Variants in HELZ observed in about 807,000 individuals in gnomAD.
The protein encoded by HELZ is helicase with zinc finger.
A neutral mutation model predicts 218.2 loss-of-function variants in HELZ; 23 were observed. The ratio of observed to expected loss-of-function variants is 0.11; its 90% confidence interval spans 0.08 to 0.15. The LOEUF (loss-of-function observed/expected upper bound fraction) is 0.15, where lower values mean the gene tolerates loss of function less well. Ranked by LOEUF, HELZ falls within the 10% of genes least tolerant of loss-of-function variation. HELZ has a pLI of 1.00. For missense variants in HELZ, 1,813 were observed against 2,353.7 expected (o/e 0.77, Z 4.75); for synonymous variants, 814 against 829.4 (o/e 0.98, Z 0.32).
chr17:67,204,776 C>G (rs550617805), intron 5 of HELZ, among the ~76,000 whole-genome samples: 16 of 152,134 alleles, frequency 1.1e-4, no homozygotes, highest in South Asian at 8.3e-4. Flanking sequence ...TCAACAGTCA[C>G]TAGATAATTC....
intron 13 of HELZ, among the ~76,000 whole-genome samples, chr17:67,178,099 G>C (rs1202732569): frequency 6.6e-6 from 1 of 152,048 alleles, no homozygotes; most frequent in Non-Finnish European, 1.5e-5. Context: ...TTTCTTTTCT[G>C]AGATTATTTT....
intron 9 of HELZ, among the ~76,000 whole-genome samples, chr17:67,192,122 A>G (rs1402961502): frequency 6.6e-6 from 1 of 152,090 alleles, no homozygotes; most frequent in Non-Finnish European, 1.5e-5. Context: ...GAATCGCTTG[A>G]ACCCGGGAGG....
chr17:67,222,836 C>T (rs767618958), intron 3 of HELZ, among the ~76,000 whole-genome samples: 7 of 152,254 alleles, frequency 4.6e-5, no homozygotes, highest in East Asian at 3.9e-4. Context: ...ATGAGGCCAG[C>T]TCCCAGATAC....
intron 12 of HELZ, among the ~76,000 whole-genome samples, chr17:67,180,778 T>C (rs539855850): frequency 5.1e-4 from 76 of 148,062 alleles, no homozygotes; most frequent in African/African-American, 1.8e-3. Flanking sequence ...CTCGGGAGGC[T>C]GAGGCCGGAG....
At chr17:67,167,180 A>G (rs1176620391) in intron 14 of HELZ, among the ~76,000 whole-genome samples, 1 of 152,252 alleles carries the variant, frequency 6.6e-6, no homozygotes, top group African/African-American at 2.4e-5. Flanking sequence ...CCCAGGAGGT[A>G]GCTTACATAG....
rs1350089500 is a variant in HELZ at position 67,190,366 on chromosome 17, T to C, written c.558-11A>G. 1.9e-6 allele frequency: 3 copies of C among 1,585,402 alleles called. No homozygotes were observed. The East Asian group carries it at 6.7e-5, about 35-fold the overall frequency. On this transcript the variant is annotated splice_polypyrimidine_tract_variant and intron_variant, in intron 9 of 32. Coordinates refer to ENST00000358691, the MANE Select transcript of HELZ (RefSeq NM_014877.4). Reference sequence around the variant, plus strand: ...CCTTGTTCTAAAAATCTAAGTAGAATAGGAAAGACTGTTTTATCATATACT... The same window carrying C: ...CCTTGTTCTAAAAATCTAAGTAGAACAGGAAAGACTGTTTTATCATATACT...
chr17:67,086,631 A>AATATAAATATAAATATAT (rs914625902), intron 32 of HELZ, among the ~76,000 whole-genome samples, 198 bp downstream of exon 32: 2 of 93,318 alleles, frequency 2.1e-5, no homozygotes, highest in African/African-American at 9.6e-5. Flanking sequence ...TATAAATATA[A>AATATAAATATAAATATAT]ATATATATAT....
intron 31 of HELZ, among the ~76,000 whole-genome samples, chr17:67,106,302 AC>A (rs778318498): frequency 1.8e-4 from 24 of 132,280 alleles, no homozygotes; most frequent in Non-Finnish European, 3.5e-4. Context: ...TAAGTATTTT[AC>A]TTTATTTATT....
chr17:67,134,921 C>T (rs1429398113), intron 23 of HELZ, among the ~76,000 whole-genome samples: 1 of 151,850 alleles, frequency 6.6e-6, no homozygotes, highest in Non-Finnish European at 1.5e-5. Flanking sequence ...TTTAAGTAAT[C>T]CCTAGTGTAT....
At chr17:67,187,285 G>C (rs756906759) in intron 12 of HELZ, among the ~76,000 whole-genome samples, 1 of 152,162 alleles carries the variant, frequency 6.6e-6, no homozygotes, top group Non-Finnish European at 1.5e-5. Context: ...ATCAAAGTCA[G>C]TGGGAAATAA....
chr17:67,092,449 T>A (rs754787217), intron 31 of HELZ, among the ~76,000 whole-genome samples: 27 of 152,052 alleles, frequency 1.8e-4, no homozygotes, highest in Non-Finnish European at 2.6e-4. Flanking sequence ...TGAAAGTCTA[T>A]ACAGGAAACA....
rs1598438294 is a variant in HELZ, at chr17:67,215,991, A to G, written c.211-56T>C. On this transcript the variant is annotated intron_variant, in intron 4 of 32. Coordinates refer to ENST00000358691, the MANE Select transcript of HELZ (RefSeq NM_014877.4). ...GTATTTCAAGAGCTGCTTTTAACAG[A>G]GATGTTGTCAAAGGGAAACTTGGCT... is the stretch of plus-strand genomic sequence containing the variant. 5.0e-6 allele frequency: 5 copies of G among 995,950 alleles called. No individual in the cohort carries two copies. In the East Asian group the frequency reaches 1.2e-4, roughly 25 times the overall value. The allele number at this position is 995,950 out of a possible 1,614,324, so 61.7% of individuals were successfully genotyped here.
chr17:67,077,487 T>C lies in HELZ; in HGVS notation c.*765A>G, dbSNP rs921406634. Reference sequence around the variant, plus strand: ...AAATTTTTCAGCTTCTTGATTTGTTTAAAAAAAAAAACACACACTATCAAA... The same window carrying C: ...AAATTTTTCAGCTTCTTGATTTGTTCAAAAAAAAAAACACACACTATCAAA... On this transcript the variant is annotated 3_prime_UTR_variant, in exon 33 of 33. Coordinates refer to ENST00000358691, the MANE Select transcript of HELZ (RefSeq NM_014877.4). The C allele has an allele frequency of 3.4e-5, 5 of 146,770 alleles. No individual in the cohort carries two copies. Among genetic ancestry groups the C allele is most frequent in the African/African-American group, 1.2e-4 (5 of 40,030 alleles). The allele number at this position is 146,770 out of a possible 1,614,324, so 9.1% of individuals were successfully genotyped here.
chr17:67,107,800 A>T, intron 30 of HELZ, 115 bp from the exon 31 acceptor site: 4 of 860,132 alleles, frequency 4.7e-6, no homozygotes, highest in Non-Finnish European at 7.1e-6. Context: ...TAATAACTAG[A>T]ACTGGCATTA....
In HELZ at chr17:67,071,868, A is replaced by T. The variant is rs1308326233; in HGVS notation, c.*6384T>A. 1 of 152,588 alleles carries T rather than the reference A, an allele frequency of 6.6e-6. No homozygotes were observed. Among genetic ancestry groups the T allele is most frequent in the Non-Finnish European group, 1.5e-5 (1 of 68,040 alleles). 9.5% of individuals were successfully genotyped at this position (152,588 alleles called of 1,614,324 possible). A position where few individuals can be genotyped will look rare whatever the true frequency, so the allele number is the denominator to read the frequency against. Reference sequence around the variant, plus strand: ...AGATTTTTTTAAAGGTAGCAAAGTAATCAGAGACATTTATTTTCTGCCATA... The same window carrying T: ...AGATTTTTTTAAAGGTAGCAAAGTATTCAGAGACATTTATTTTCTGCCATA... On this transcript the variant is annotated 3_prime_UTR_variant, in exon 33 of 33. Transcript: ENST00000358691.
At chr17:67,191,401 G>A (rs998149162) in intron 9 of HELZ, among the ~76,000 whole-genome samples, 9 of 151,928 alleles carry the variant, frequency 5.9e-5, no homozygotes, top group African/African-American at 1.4e-4. Context: ...TTTACAACTC[G>A]GAAAATTCAA....
chr17:67,218,900 C>T, intron 3 of HELZ, 78 bp from the exon 4 acceptor site: 1 of 1,025,510 alleles, frequency 9.8e-7, no homozygotes, highest in Non-Finnish European at 1.5e-6. Flanking sequence ...CCTATCTCAG[C>T]TGGCTTAATT....
At chr17:67,104,609 C>A (rs2037041093) in intron 31 of HELZ, among the ~76,000 whole-genome samples, 1 of 151,820 alleles carries the variant, frequency 6.6e-6, no homozygotes, top group Admixed American at 6.6e-5. Flanking sequence ...GAAAAGACAA[C>A]CCACACAGTG....
In HELZ at chr17:67,205,511, C is replaced by T. The variant is rs141008684; in HGVS notation, c.248-2068G>A. On this transcript the variant is annotated intron_variant, in intron 5 of 32. Transcript: ENST00000358691. Reference sequence around the variant, plus strand: ...CAGTCTCCTGCATAAGTAAGAATTCCCTACATATTACCTTCCCCTTCTAAA... The same window carrying T: ...CAGTCTCCTGCATAAGTAAGAATTCTCTACATATTACCTTCCCCTTCTAAA... Among the ~76,000 whole-genome samples, 766 of 152,128 alleles carry T rather than the reference C, an allele frequency of 5.0e-3. 7 individuals carry two copies. The highest frequency in any genetic ancestry group is 0.017 in the African/African-American group (711 of 41,488).
Sources: allele counts gnomAD v4.1 joint callset (sites outside exome capture counted in the v4.1 genomes callset), GRCh38; gene constraint gnomAD v4.1.1; transcripts MANE v1.5; gene names NCBI Gene and HGNC (gene_info 2026-07-23, HGNC 2026-07-21).